The following AGFG1 variants were observed in gnomAD, a reference collection of about 807,000 sequenced individuals.
AGFG1 encodes arf-GAP domain and FG repeat-containing protein 1.
In AGFG1, 10 loss-of-function variants were observed where a neutral mutation model predicts 60.6. That is an observed-to-expected ratio of 0.16 (90% confidence interval 0.10 to 0.28). The LOEUF (loss-of-function observed/expected upper bound fraction) is 0.28, where lower values mean the gene tolerates loss of function less well. AGFG1 is among the 10% of genes least tolerant of loss of function. The pLI is 1.00. For synonymous variants in AGFG1, 247 were observed against 242.9 expected (o/e 1.02, Z -0.16); for missense variants, 537 against 676.5 (o/e 0.79, Z 2.29).
chr2:227,489,226 T>G (rs1213701145), intron 1 of AGFG1, among the ~76,000 whole-genome samples: 2 of 28,298 alleles, frequency 7.1e-5, no homozygotes, highest in Non-Finnish European at 1.6e-4. Context: ...TTTGAGAGTT[T>G]TTTTTTTTTT....
At chr2:227,496,189 A>T (rs1382515809) in intron 2 of AGFG1, among the ~76,000 whole-genome samples, 4 of 152,078 alleles carry the variant, frequency 2.6e-5, no homozygotes, top group Admixed American at 2.0e-4. Flanking sequence ...GAGTAAAATC[A>T]GGCATTGCAT....
chr2:227,513,293 T>A (rs1468384721), intron 2 of AGFG1, among the ~76,000 whole-genome samples: 2 of 152,222 alleles, frequency 1.3e-5, no homozygotes, highest in African/African-American at 4.8e-5. Context: ...CACTTCTCAC[T>A]CCAGTCTTTT....
intron 1 of AGFG1, among the ~76,000 whole-genome samples, chr2:227,484,688 GT>G (rs745570416): frequency 5.6e-4 from 14 of 25,124 alleles, no homozygotes; most frequent in Non-Finnish European, 9.0e-4. Context: ...TTTTTTTTTT[GT>G]TTTTTTTTTT....
intron 6 of AGFG1, among the ~76,000 whole-genome samples, chr2:227,532,505 ATTAC>A (rs920427170): frequency 2.0e-5 from 3 of 152,182 alleles, no homozygotes; most frequent in Non-Finnish European, 2.9e-5. Context: ...ACAAACATAT[ATTAC>A]TTACCTTTAA....
At chr2:227,549,752 T>A (rs185482715) in intron 10 of AGFG1, among the ~76,000 whole-genome samples, 2 of 152,344 alleles carry the variant, frequency 1.3e-5, no homozygotes, top group Admixed American at 1.3e-4. Flanking sequence ...CTACAAAGCA[T>A]TTTTTAATGA....
In AGFG1 at chr2:227,546,503, C is replaced by G. The variant is rs542231857; in HGVS notation, c.1379-5456C>G. Among the ~76,000 whole-genome samples the G allele has an allele frequency of 3.3e-5, 5 of 152,310 alleles. No homozygotes were observed. In the South Asian group the frequency reaches 1.0e-3, roughly 32 times the overall value. ...CCGTGGGCTACACCCACTGTCCAAC[C>G]AGTCCCAGTGAGATGAACCCAGTAC... On this transcript the variant is annotated intron_variant, in intron 10 of 12. Transcript: ENST00000310078.
chr2:227,518,547 G>C (rs1691726498), intron 2 of AGFG1, among the ~76,000 whole-genome samples: 1 of 134,436 alleles, frequency 7.4e-6, no homozygotes, highest in Non-Finnish European at 1.6e-5. Context: ...TTTAAAGACA[G>C]AGTTTTGCTC....
chr2:227,535,424 T>C (rs1200510107), intron 8 of AGFG1, among the ~76,000 whole-genome samples: 1 of 152,182 alleles, frequency 6.6e-6, no homozygotes, highest in Non-Finnish European at 1.5e-5. Context: ...TAAATACAGA[T>C]TTTTAGAAGT....
intron 3 of AGFG1, among the ~76,000 whole-genome samples, chr2:227,520,274 T>G (rs1691786996): frequency 6.6e-6 from 1 of 151,710 alleles, no homozygotes; most frequent in African/African-American, 2.4e-5. Context: ...AGCAGGCTTT[T>G]TGTTGTAATA....
intron 6 of AGFG1, 73 bp downstream of exon 6, chr2:227,531,283 A>G (rs1692150868): frequency 6.6e-7 from 1 of 1,510,496 alleles, no homozygotes; most frequent in Non-Finnish European, 8.9e-7. Flanking sequence ...GTTTTGAAAA[A>G]TTAGTCTAAA....
chr2:227,491,534 T>C lies in AGFG1; in HGVS notation c.168-13T>C. On this transcript the variant is annotated splice_polypyrimidine_tract_variant and intron_variant, in intron 1 of 12. Coordinates refer to ENST00000310078, the MANE Select transcript of AGFG1 (RefSeq NM_004504.5). ...ATGTACTAGTAAATTTTGTAAAATA[T>C]TTTATCTTTTAGGCGAGGATTAAAT... The C allele has an allele frequency of 2.0e-6, 3 of 1,512,654 alleles. No homozygotes were observed. Among genetic ancestry groups the C allele is most frequent in the Non-Finnish European group, 2.7e-6 (3 of 1,130,992 alleles). 93.7% of individuals were successfully genotyped at this position (1,512,654 alleles called of 1,614,324 possible).
intron 1 of AGFG1, among the ~76,000 whole-genome samples, chr2:227,490,752 T>G (rs915555232): frequency 2.0e-5 from 3 of 152,176 alleles, no homozygotes; most frequent in Non-Finnish European, 4.4e-5. Flanking sequence ...CACAAGATAG[T>G]TGGACAACAT....
intron 10 of AGFG1, among the ~76,000 whole-genome samples, chr2:227,545,687 C>CT (rs762342369): frequency 1.3e-5 from 2 of 152,160 alleles, no homozygotes; most frequent in Non-Finnish European, 2.9e-5. Context: ...CTACTCCTTT[C>CT]TTTTTGTTAC....
chr2:227,544,170 T>C (rs1692574485), intron 10 of AGFG1, among the ~76,000 whole-genome samples: 1 of 99,978 alleles, frequency 1.0e-5, no homozygotes, highest in South Asian at 3.7e-4. Flanking sequence ...TTTTTTTTTT[T>C]TTGAGACGGA....
chr2:227,502,572 C>A (rs925080477), intron 2 of AGFG1, among the ~76,000 whole-genome samples: 6 of 151,328 alleles, frequency 4.0e-5, no homozygotes, highest in Non-Finnish European at 7.4e-5. Context: ...CCACCTGCCT[C>A]GGCCTCCCAA....
At chr2:227,517,882 C>T (rs1490787785) in intron 2 of AGFG1, among the ~76,000 whole-genome samples, 1 of 152,152 alleles carries the variant, frequency 6.6e-6, no homozygotes, top group Non-Finnish European at 1.5e-5. Flanking sequence ...CGTGTACATA[C>T]TTAAAGTGTA....
intron 8 of AGFG1, among the ~76,000 whole-genome samples, chr2:227,535,698 C>T (rs1360768547): frequency 6.6e-6 from 1 of 152,148 alleles, no homozygotes; most frequent in Non-Finnish European, 1.5e-5. Context: ...ATTGTATTTA[C>T]TAATTTCTTT....
chr2:227,544,884 C>G (rs1487580480), intron 10 of AGFG1, among the ~76,000 whole-genome samples: 1 of 152,082 alleles, frequency 6.6e-6, no homozygotes, highest in Admixed American at 6.5e-5. Context: ...TCTGGCTGCC[C>G]TTAACATTTT....
chr2:227,537,958 A>G (rs1692363759), intron 10 of AGFG1, among the ~76,000 whole-genome samples: 1 of 152,184 alleles, frequency 6.6e-6, no homozygotes, highest in South Asian at 2.1e-4. Flanking sequence ...CTTTTCACAT[A>G]AATGTCTTCA....
Sources: gnomAD v4.1 joint callset for allele counts (sites outside exome capture counted in the v4.1 genomes callset) on GRCh38, gnomAD v4.1.1 for gene constraint, MANE v1.5 for transcripts, NCBI Gene and HGNC (gene_info 2026-07-23, HGNC 2026-07-21) for gene names.